MYO1B: variants seen among roughly 807,000 people sequenced by gnomAD.
MYO1B encodes myosin IB.
Under a neutral mutation model 159.7 loss-of-function variants are expected in MYO1B, and 72 were observed. The ratio of observed to expected loss-of-function variants is 0.45; its 90% CI spans 0.37 to 0.55. The LOEUF is 0.55. MYO1B is among the 20% of genes least tolerant of loss of function. The pLI is 0.00. For synonymous variants in MYO1B, 468 were observed against 473.8 expected (o/e 0.99, Z 0.16); for missense variants, 1,062 against 1,364.8 (o/e 0.78, Z 3.50).
At chr2:191,373,806 T>C (rs987587799) in intron 13 of MYO1B, among the ~76,000 whole-genome samples, 1 of 152,232 alleles carries the variant, frequency 6.6e-6, no homozygotes, top group East Asian at 1.9e-4. Context: ...TATAAAAATT[T>C]AACTTTCCTT....
intron 6 of MYO1B, among the ~76,000 whole-genome samples, chr2:191,349,414 T>C (rs1280628687): frequency 6.6e-6 from 1 of 152,164 alleles, no homozygotes; most frequent in Non-Finnish European, 1.5e-5. Flanking sequence ...GAAACAAAAC[T>C]AAAGACTTTA....
chr2:191,279,845 T>A (rs2125753902), intron 2 of MYO1B, among the ~76,000 whole-genome samples: 1 of 152,220 alleles, frequency 6.6e-6, no homozygotes, highest in East Asian at 1.9e-4. Context: ...TGATCCATCA[T>A]GTGAGCATAT....
At chr2:191,260,227 TATA>T (rs1167963256) in intron 1 of MYO1B, among the ~76,000 whole-genome samples, 1 of 139,010 alleles carries the variant, frequency 7.2e-6, no homozygotes, top group Non-Finnish European at 1.6e-5. Context: ...TTTTGGAGGG[TATA>T]ATATTACTTT....
chr2:191,264,011 G>A (rs1056531644), intron 1 of MYO1B, among the ~76,000 whole-genome samples: 6 of 152,108 alleles, frequency 3.9e-5, no homozygotes, highest in African/African-American at 1.4e-4. Flanking sequence ...ATGTATTTAA[G>A]GATATGTAAG....
chr2:191,324,487 A>T (rs1023865302), intron 3 of MYO1B, among the ~76,000 whole-genome samples: 2 of 152,108 alleles, frequency 1.3e-5, no homozygotes, highest in Non-Finnish European at 2.9e-5. Context: ...GTCCCACTTT[A>T]TGTGAAATGT....
At chr2:191,368,352 G>A (rs551588849) in intron 11 of MYO1B, among the ~76,000 whole-genome samples, 1 of 152,254 alleles carries the variant, frequency 6.6e-6, no homozygotes, top group Non-Finnish European at 1.5e-5. Context: ...AAAACCTCAA[G>A]CTTTTTCTCT....
intron 13 of MYO1B, among the ~76,000 whole-genome samples, chr2:191,375,065 G>A (rs140040180): frequency 1.3e-5 from 2 of 152,306 alleles, no homozygotes; most frequent in East Asian, 3.9e-4. Context: ...AAAGCAGGCA[G>A]TAGTAGCTGA....
chr2:191,376,582 G>C (rs1018378459), intron 13 of MYO1B, among the ~76,000 whole-genome samples: 6 of 152,124 alleles, frequency 3.9e-5, no homozygotes, highest in African/African-American at 1.4e-4. Context: ...AGACTTTACT[G>C]TATGTAAAAA....
chr2:191,363,349 T>G (rs1472136764), intron 9 of MYO1B, among the ~76,000 whole-genome samples: 1 of 152,166 alleles, frequency 6.6e-6, no homozygotes, highest in Non-Finnish European at 1.5e-5. Context: ...ACAGTTTTTC[T>G]GATATGTAAA....
In MYO1B at chr2:191,362,130, G is replaced by C. The variant is rs981985998; in HGVS notation, c.662-138G>C. 16 of 606,066 alleles carry C rather than the reference G, an allele frequency of 2.6e-5. No individual in the cohort carries two copies. The Admixed American group carries it at 4.8e-4, about 18-fold the overall frequency. The allele number at this position is 606,066 out of a possible 1,614,324, so 37.5% of individuals were successfully genotyped here. A position where few individuals can be genotyped will look rare whatever the true frequency, so the allele number is the denominator to read the frequency against. On this transcript the variant is annotated intron_variant, in intron 8 of 30. Coordinates refer to ENST00000392318, the MANE Select transcript of MYO1B (RefSeq NM_001130158.3). ...AGAATAATGCTGTTACTGATATTTG[G>C]GTATAATTTGTGTTCTTTTGATTCA...
chr2:191,368,993 A>C (rs972799062), intron 11 of MYO1B, among the ~76,000 whole-genome samples: 3 of 152,194 alleles, frequency 2.0e-5, no homozygotes, highest in African/African-American at 7.2e-5. Flanking sequence ...TTAAAAATAA[A>C]AAAAGATTGA....
chr2:191,400,594 C>G, intron 22 of MYO1B, 126 bp downstream of exon 22: 1 of 1,352,668 alleles, frequency 7.4e-7, no homozygotes, highest in South Asian at 1.2e-5. Flanking sequence ...TTGCTTCTTG[C>G]TCTTTCCAAC....
chr2:191,246,523 C>A (rs981615519), intron 1 of MYO1B, among the ~76,000 whole-genome samples: 4 of 150,418 alleles, frequency 2.7e-5, no homozygotes, highest in Non-Finnish European at 4.4e-5. Context: ...TTGCTCAAAG[C>A]AAATCTTCTT....
At chr2:191,381,175 G>A (rs1409552274) in intron 13 of MYO1B, 1 of 419,932 alleles carries the variant, frequency 2.4e-6, no homozygotes, top group Non-Finnish European at 4.5e-6. Flanking sequence ...CAAAGGAAGT[G>A]AGATTGTTTC....
At chr2:191,299,618 T>TA (rs1307545300) in intron 3 of MYO1B, among the ~76,000 whole-genome samples, 1 of 152,240 alleles carries the variant, frequency 6.6e-6, no homozygotes, top group Non-Finnish European at 1.5e-5. Context: ...CCACATTTAC[T>TA]ATTTAATGTT....
At position 191,364,204 on chromosome 2, in the gene MYO1B, A is replaced by G; in HGVS notation, c.960A>G (p.Leu320=). The change falls in exon 11 of 31, where the codon CTA becomes CTG. Residue 320 remains leucine, a synonymous_variant. Coordinates refer to ENST00000392318, the MANE Select transcript of MYO1B (RefSeq NM_001130158.3). Reference sequence around the variant, plus strand: ...TGACCGGCATTGATCAATCAGTTCTAGAACGAGCATTCAGTTTCCGAACAG... The same window carrying G: ...TGACCGGCATTGATCAATCAGTTCTGGAACGAGCATTCAGTTTCCGAACAG... ...CELTGIDQSV[L]ERAFSFRTVE... The G allele has an allele frequency of 6.2e-7, 1 of 1,613,998 alleles. No homozygotes were observed. Among genetic ancestry groups the G allele is most frequent in the Non-Finnish European group, 8.5e-7 (1 of 1,179,874 alleles).
chr2:191,346,428 G>A (rs1198327727), intron 6 of MYO1B, 146 bp downstream of exon 6: 3 of 547,414 alleles, frequency 5.5e-6, no homozygotes, highest in Non-Finnish European at 8.9e-6. Flanking sequence ...GTTCTATAAG[G>A]ACTCTTGATT....
intron 2 of MYO1B, among the ~76,000 whole-genome samples, chr2:191,289,247 C>T (rs1688555913): frequency 6.6e-6 from 1 of 152,164 alleles, no homozygotes; most frequent in Admixed American, 6.5e-5. Flanking sequence ...ACACAAGTTT[C>T]CTCCGTTCTT....
chr2:191,327,106 A>G (rs1340198709), intron 3 of MYO1B, among the ~76,000 whole-genome samples: 1 of 152,154 alleles, frequency 6.6e-6, no homozygotes, highest in Non-Finnish European at 1.5e-5. Flanking sequence ...AAATCTAAGC[A>G]ATGCTTTCCT....
Sources: allele counts gnomAD v4.1 joint callset (sites outside exome capture counted in the v4.1 genomes callset), GRCh38; gene constraint gnomAD v4.1.1; transcripts MANE v1.5; gene names NCBI Gene and HGNC (gene_info 2026-07-23, HGNC 2026-07-21).